The following PKD2L2 variants were observed in gnomAD, a reference collection of about 807,000 sequenced individuals.
PKD2L2 encodes the protein polycystin 2 like 2, transient receptor potential cation channel.
PKD2L2 carries 67 observed loss-of-function variants against 83.9 expected under a neutral mutation model. The ratio of observed to expected loss-of-function variants is 0.80; its 90% CI spans 0.66 to 0.98. PKD2L2 has a LOEUF of 0.98. Among genes scored for constraint, PKD2L2 ranks in the 50% least tolerant of loss-of-function variants. The pLI, the probability that PKD2L2 is intolerant of heterozygous loss-of-function variation, is 0.00. For synonymous variants in PKD2L2, 223 were observed against 237.8 expected (o/e 0.94, Z 0.57); for missense variants, 632 against 717.2 (o/e 0.88, Z 1.36).
rs1250241892 is a variant in PKD2L2, at chr5:137,899,625, A to G, written c.634A>G (p.Lys212Glu). 7 of 1,613,056 alleles carry G rather than the reference A, an allele frequency of 4.3e-6. No individual in the cohort carries two copies. The highest frequency in any genetic ancestry group is 2.2e-5 in the East Asian group (1 of 44,874). ...TTTATCAAAATCGAAATCTGAAACC[A>G]AAAACAAGTTCATTGACCTTCGACT... ...FTLSKSKSETKNKFIDLRLNS... is the reference protein window; with the variant it reads ...FTLSKSKSETENKFIDLRLNS... The change falls in exon 5 of 15, where the codon AAA (lysine) becomes GAA (glutamate). Residue 212 changes from lysine to glutamate, a missense_variant. Lys to Glu is a moderately conservative substitution (Grantham distance 56, BLOSUM62 1). This residue lies in a region of PKD2L2 where 229 missense variants were observed against 281.5 expected (regional missense o/e 0.81). Transcript: ENST00000508883.
chr5:137,918,630 T>C (rs2150039868), intron 8 of PKD2L2, among the ~76,000 whole-genome samples: 1 of 152,206 alleles, frequency 6.6e-6, no homozygotes, highest in Non-Finnish European at 1.5e-5. Flanking sequence ...GGCTAATGAG[T>C]AGGGGATGCA....
intron 12 of PKD2L2, among the ~76,000 whole-genome samples, chr5:137,929,026 C>T (rs1361354559): frequency 6.6e-6 from 1 of 152,142 alleles, no homozygotes; most frequent in African/African-American, 2.4e-5. Flanking sequence ...CGTCATCTCT[C>T]ACATACAATG....
intron 14 of PKD2L2, chr5:137,940,073 T>A (rs1581023792): frequency 1.2e-6 from 2 of 1,614,154 alleles, no homozygotes; most frequent in East Asian, 4.5e-5. Context: ...TACTCTCCCA[T>A]CATTTGTTTT....
Position 137,907,768 on chromosome 5 carries a change from C to T in PKD2L2, c.1002C>T (p.Asn334=), listed in dbSNP as rs770951275. Residue 334 remains asparagine, a synonymous_variant, in exon 7 of 15, where the codon AAC becomes AAT. Transcript: ENST00000508883. Reference sequence around the variant, plus strand: ...TGTGTTTTGTGGCTGTTTCCTTCAACACATACTATAATGTACAAATTTTTC... The same window carrying T: ...TGTGTTTTGTGGCTGTTTCCTTCAATACATACTATAATGTACAAATTTTTC... ...LLLCFVAVSF[N]TYYNVQIFLL... is the part of the protein sequence containing the mutation. 1 of 1,547,018 alleles carries T rather than the reference C, an allele frequency of 6.5e-7. No homozygotes were observed. Among genetic ancestry groups the T allele is most frequent in the Non-Finnish European group, 8.7e-7 (1 of 1,144,742 alleles).
chr5:137,939,706 T>C (rs1449632667), intron 14 of PKD2L2: 1 of 248,422 alleles, frequency 4.0e-6, no homozygotes, highest in African/African-American at 2.3e-5. Flanking sequence ...TAGTACGACT[T>C]GAAATCTCAG....
At chr5:137,905,655 T>A (rs1757307021) in intron 5 of PKD2L2, among the ~76,000 whole-genome samples, 1 of 152,188 alleles carries the variant, frequency 6.6e-6, no homozygotes, top group Admixed American at 6.5e-5. Flanking sequence ...TTTTTATACT[T>A]CTGTTTGCAT....
intron 5 of PKD2L2, among the ~76,000 whole-genome samples, chr5:137,905,713 A>C (rs1033384647): frequency 6.6e-6 from 1 of 152,184 alleles, no homozygotes; most frequent in Admixed American, 6.6e-5. Context: ...CTTTAGTAGA[A>C]TATGTGACCT....
chr5:137,914,622 C>A (rs1334013337), intron 8 of PKD2L2, among the ~76,000 whole-genome samples: 1 of 152,084 alleles, frequency 6.6e-6, no homozygotes, highest in Non-Finnish European at 1.5e-5. Context: ...GCCTTTATTT[C>A]TTTTTCTTGC....
At chr5:137,919,818 A>T (rs1003142668) in intron 8 of PKD2L2, among the ~76,000 whole-genome samples, 1 of 152,212 alleles carries the variant, frequency 6.6e-6, no homozygotes, top group Admixed American at 6.5e-5. Flanking sequence ...TTCCTTCATT[A>T]AAGCTTTTTG....
chr5:137,907,525 G>T (rs1757462945), intron 6 of PKD2L2, among the ~76,000 whole-genome samples: 1 of 152,078 alleles, frequency 6.6e-6, no homozygotes, highest in Non-Finnish European at 1.5e-5. Flanking sequence ...GGTTAGGATG[G>T]CCAAGCAATT....
chr5:137,907,652 G>T, intron 6 of PKD2L2, 90 bp from the exon 7 acceptor site: 1 of 692,014 alleles, frequency 1.4e-6, no homozygotes, highest in Non-Finnish European at 2.2e-6. Context: ...TTAAACTTTT[G>T]ATGAACTTTT....
intron 14 of PKD2L2, among the ~76,000 whole-genome samples, chr5:137,937,634 T>G (rs1760564832): frequency 6.6e-6 from 1 of 152,196 alleles, no homozygotes; most frequent in African/African-American, 2.4e-5. Flanking sequence ...CATTTTTAGA[T>G]TACTACTCAC....
At chr5:137,938,267 C>T (rs1212182645) in intron 14 of PKD2L2, 1 of 152,384 alleles carries the variant, frequency 6.6e-6, no homozygotes, top group African/African-American at 2.4e-5. Context: ...ACCAGTCAGA[C>T]CACTGACTTA....
Position 137,890,568 on chromosome 5 carries a change from T to C in PKD2L2, c.119T>C (p.Ile40Thr). 1.4e-6 allele frequency: 2 copies of C among 1,389,630 alleles called. No homozygotes were observed. Among genetic ancestry groups the C allele is most frequent in the South Asian group, 1.3e-5 (1 of 79,352 alleles). 86.1% of individuals were successfully genotyped at this position (1,389,630 alleles called of 1,614,324 possible). ...QELLLYFIFL[I>T]NLCILTFGMV... ...TTGTTACTCTACTTTATTTTTTTAA[T>C]AAACCTATGTATATGTAAGTACACA... The change falls in exon 2 of 15, where the codon ATA (isoleucine) becomes ACA (threonine). Residue 40 changes from isoleucine (I) to threonine (T), a missense_variant. Ile to Thr is a moderately conservative substitution (Grantham distance 89). Coordinates refer to ENST00000508883, the MANE Select transcript of PKD2L2 (RefSeq NM_001300921.2).
At chr5:137,941,187 C>T (rs939317942) in intron 14 of PKD2L2, among the ~76,000 whole-genome samples, 5 of 152,102 alleles carry the variant, frequency 3.3e-5, no homozygotes, top group Non-Finnish European at 5.9e-5. Context: ...GTATTACAGA[C>T]GTGAGCCACT....
chr5:137,889,496 C>G lies in PKD2L2; in HGVS notation c.5C>G (p.Ala2Gly). Residue 2 changes from alanine (A) to glycine (G), a missense_variant, in exon 1 of 15, where the codon GCT becomes GGT. By Grantham distance (60) the Ala-to-Gly change is moderately conservative. This residue lies in a region of PKD2L2 where 229 missense variants were observed against 281.5 expected (regional missense o/e 0.81). Transcript: ENST00000508883. The part of the protein sequence containing the change: M[A>G]EASRWHRGGA... The stretch of plus-strand genomic sequence containing the variant: ...GCGGTGTAGTGCAGGTCCGCCATGG[C>G]TGAGGCGTCACGGTGGCACCGAGGC... The G allele has an allele frequency of 6.4e-7, 1 of 1,564,394 alleles. No individual in the cohort carries two copies. Among genetic ancestry groups the G allele is most frequent in the Non-Finnish European group, 8.6e-7 (1 of 1,161,758 alleles).
chr5:137,941,809 G>C, intron 14 of PKD2L2: 1 of 684,036 alleles, frequency 1.5e-6, no homozygotes. Flanking sequence ...AGAGCATAAA[G>C]GAATGTTTTA....
In PKD2L2 at chr5:137,905,928, T is replaced by G. The variant is rs981373646; in HGVS notation, c.747-278T>G. On this transcript the variant is annotated intron_variant, in intron 5 of 14. Coordinates refer to ENST00000508883, the MANE Select transcript of PKD2L2 (RefSeq NM_001300921.2). ...ATGAACAAGCAAGCTGAACACAAAA[T>G]AGAATGAATGTCTGAAAAAAAAATC... 2.6e-5 allele frequency among the ~76,000 whole-genome samples: 4 copies of G among 151,912 alleles called. No homozygotes were observed. In the South Asian group the frequency reaches 6.2e-4, roughly 24 times the overall value.
At chr5:137,938,062 A>G (rs1279105756) in intron 14 of PKD2L2, 1 of 152,182 alleles carries the variant, frequency 6.6e-6, no homozygotes, top group Non-Finnish European at 1.5e-5. Context: ...TATTATTTGT[A>G]TATAGATATA....
Sources: gnomAD v4.1 joint callset for allele counts (sites outside exome capture counted in the v4.1 genomes callset) on GRCh38, gnomAD v4.1.1 for gene constraint, gnomAD v4.1.1 regional missense constraint, MANE v1.5 for transcripts, NCBI Gene and HGNC (gene_info 2026-07-23, HGNC 2026-07-21) for gene names.